The following GABRB1 variants were observed in gnomAD, a reference collection of about 807,000 sequenced individuals.
The protein encoded by GABRB1 is gamma-aminobutyric acid type A receptor subunit beta1.
Under a neutral mutation model 51.6 loss-of-function variants are expected in GABRB1, and 17 were observed. That is an observed-to-expected ratio of 0.33 (90% CI 0.23 to 0.49). GABRB1 has a LOEUF of 0.49. Ranked by LOEUF, GABRB1 falls within the 20% of genes least tolerant of loss-of-function variation. The probability of loss-of-function intolerance (pLI) is 0.99; values close to 1 mark genes in which losing one functional copy is unlikely to be tolerated. For synonymous variants in GABRB1, 247 were observed against 218.9 expected, an observed-to-expected ratio of 1.13 and a Z score of -1.14; for missense variants, 410 against 600.6, an observed-to-expected ratio of 0.68 and a Z score of 3.32.
chr4:47,296,128 A>C (rs1723981973), intron 4 of GABRB1, among the ~76,000 whole-genome samples: 1 of 152,170 alleles, frequency 6.6e-6, no homozygotes, highest in African/African-American at 2.4e-5. Context: ...TGGAAAGGAA[A>C]AACCAGTACC....
At chr4:47,351,633 C>T (rs11937472) in intron 5 of GABRB1, among the ~76,000 whole-genome samples, 47,016 of 142,902 alleles carry the variant, frequency 0.33, 7,853 homozygotes, top group Middle Eastern at 0.39. Context: ...TTGTTCAATT[C>T]CCATCTATGA....
chr4:47,018,665 T>G (rs1724819519), intron 1 of GABRB1, among the ~76,000 whole-genome samples: 1 of 152,192 alleles, frequency 6.6e-6, no homozygotes, highest in African/African-American at 2.4e-5. Flanking sequence ...CATTGGGTAC[T>G]GCATTCTTAC....
intron 8 of GABRB1, among the ~76,000 whole-genome samples, chr4:47,415,757 A>G (rs1364755788): frequency 6.6e-6 from 1 of 152,208 alleles, no homozygotes; most frequent in Non-Finnish European, 1.5e-5. Context: ...ATACAGACTA[A>G]GAGGATCTTA....
intron 4 of GABRB1, among the ~76,000 whole-genome samples, chr4:47,236,579 T>G (rs1215916802): frequency 1.3e-5 from 2 of 152,150 alleles, no homozygotes; most frequent in Non-Finnish European, 2.9e-5. Flanking sequence ...TTGCCCAAAT[T>G]TTTAGAGTAC....
At chr4:47,403,876 A>G (rs141990474) in intron 7 of GABRB1, among the ~76,000 whole-genome samples, 165 bp downstream of exon 7, 36 of 152,350 alleles carry the variant, frequency 2.4e-4, no homozygotes, top group Admixed American at 1.6e-3. Flanking sequence ...TCCACAACGA[A>G]TATTCTACAA....
At chr4:47,179,369 G>C (rs547108381) in intron 4 of GABRB1, among the ~76,000 whole-genome samples, 1 of 152,184 alleles carries the variant, frequency 6.6e-6, no homozygotes, top group Admixed American at 6.6e-5. Flanking sequence ...GGAAGACAGT[G>C]TGGCGATTCC....
chr4:47,103,428 T>A (rs1714808127), intron 3 of GABRB1, among the ~76,000 whole-genome samples: 1 of 152,038 alleles, frequency 6.6e-6, no homozygotes, highest in Admixed American at 6.6e-5. Context: ...TGTTATTTTA[T>A]TGAACTAACA....
chr4:47,295,543 A>G (rs1234622604), intron 4 of GABRB1, among the ~76,000 whole-genome samples: 1 of 152,194 alleles, frequency 6.6e-6, no homozygotes, highest in African/African-American at 2.4e-5. Context: ...TGAAGCGAGA[A>G]GGGAAGTTTA....
chr4:47,073,277 T>C (rs964502180), intron 3 of GABRB1, among the ~76,000 whole-genome samples: 1 of 152,196 alleles, frequency 6.6e-6, no homozygotes, highest in African/African-American at 2.4e-5. Flanking sequence ...GCTCTCCTAA[T>C]AAAAGTTGGA....
At chr4:47,228,623 G>A (rs1721035726) in intron 4 of GABRB1, among the ~76,000 whole-genome samples, 1 of 151,934 alleles carries the variant, frequency 6.6e-6, no homozygotes, top group African/African-American at 2.4e-5. Context: ...TCTTACCAAA[G>A]TCTCCAACAT....
intron 4 of GABRB1, among the ~76,000 whole-genome samples, chr4:47,301,653 A>C (rs1357989722): frequency 6.6e-6 from 1 of 150,490 alleles, no homozygotes; most frequent in East Asian, 2.0e-4. Flanking sequence ...AAAACATTTC[A>C]ATTAACCCAT....
intron 3 of GABRB1, chr4:47,033,102 T>A: frequency 5.0e-6 from 1 of 199,970 alleles, no homozygotes; most frequent in South Asian, 9.5e-5. Flanking sequence ...AGGTTATGAA[T>A]TTGTCTTACT....
chr4:47,335,926 A>G (rs962567100), intron 5 of GABRB1, among the ~76,000 whole-genome samples: 2 of 152,152 alleles, frequency 1.3e-5, no homozygotes, highest in Admixed American at 6.6e-5. Flanking sequence ...GGCAAAGATG[A>G]CACTGGACAC....
At chr4:47,232,368 G>T (rs1310033398) in intron 4 of GABRB1, among the ~76,000 whole-genome samples, 1 of 152,064 alleles carries the variant, frequency 6.6e-6, no homozygotes, top group Non-Finnish European at 1.5e-5. Context: ...GGCTTTTGAG[G>T]TAGAACATTC....
intron 5 of GABRB1, among the ~76,000 whole-genome samples, chr4:47,398,940 G>A (rs142827924): frequency 6.6e-6 from 1 of 152,124 alleles, no homozygotes; most frequent in Admixed American, 6.6e-5. Context: ...ATAGGGGCCC[G>A]CCACCACGTC....
At chr4:47,236,630 C>T (rs1019647377) in intron 4 of GABRB1, among the ~76,000 whole-genome samples, 1 of 152,072 alleles carries the variant, frequency 6.6e-6, no homozygotes, top group Non-Finnish European at 1.5e-5. Context: ...ATCCATTTAT[C>T]TATACGTTTA....
chr4:47,105,886 C>G (rs966066325), intron 3 of GABRB1, among the ~76,000 whole-genome samples: 16 of 152,054 alleles, frequency 1.1e-4, no homozygotes, highest in African/African-American at 3.1e-4. Context: ...ACACACTCAG[C>G]CTTCAGCAGT....
chr4:47,320,107 TTC>T lies in GABRB1; in HGVS notation c.462-13_462-12del. On this transcript the variant is annotated intron_variant, in intron 4 of 8. Transcript: ENST00000295454. ...CATCACTTTTGTAATGTTTTCTTTT[TTC>T]TCTCTCCTCTCTATCAGAATCACAA... 1 of 1,499,056 alleles carries T rather than the reference TTC, an allele frequency of 6.7e-7. No homozygotes were observed. The highest frequency in any genetic ancestry group is 9.3e-7 in the Non-Finnish European group (1 of 1,074,952). 92.9% of individuals were successfully genotyped at this position (1,499,056 alleles called of 1,614,324 possible). A position where few individuals can be genotyped will look rare whatever the true frequency, so the allele number is the denominator to read the frequency against.
At chr4:47,084,100 T>C (rs1000564973) in intron 3 of GABRB1, among the ~76,000 whole-genome samples, 5 of 152,206 alleles carry the variant, frequency 3.3e-5, no homozygotes, top group Non-Finnish European at 7.4e-5. Context: ...GTCATCAATA[T>C]GAATGTAAAC....
Sources: gnomAD v4.1 joint callset for allele counts (sites outside exome capture counted in the v4.1 genomes callset) on GRCh38, gnomAD v4.1.1 for gene constraint, MANE v1.5 for transcripts, NCBI Gene and HGNC (gene_info 2026-07-23, HGNC 2026-07-21) for gene names.